The following TYW1B variants were observed in gnomAD, a reference collection of about 807,000 sequenced individuals.
TYW1B encodes the protein tRNA-yW synthesizing protein 1 homolog B.
TYW1B carries 73 observed loss-of-function variants against 86.9 expected under a neutral mutation model. The ratio of observed to expected loss-of-function variants is 0.84; its 90% CI spans 0.70 to 1.02. The LOEUF (loss-of-function observed/expected upper bound fraction) is 1.02, where lower values mean the gene tolerates loss of function less well. Among genes scored for constraint, TYW1B ranks in the 50% least tolerant of loss-of-function variants. The probability of loss-of-function intolerance (pLI) is 0.00; values close to 1 mark genes in which losing one functional copy is unlikely to be tolerated. For missense variants in TYW1B, 637 were observed against 827.4 expected (o/e 0.77, Z 2.82); for synonymous variants, 248 against 292.8 (o/e 0.85, Z 1.56).
intron 11 of TYW1B, among the ~76,000 whole-genome samples, chr7:72,640,149 A>G (rs1312941915): frequency 6.6e-6 from 1 of 152,058 alleles, no homozygotes; most frequent in Non-Finnish European, 1.5e-5. Context: ...TTAGTTAAAA[A>G]CAAAAGAAAG....
chr7:72,644,386 A>G (rs1812875636), intron 11 of TYW1B, among the ~76,000 whole-genome samples: 1 of 152,072 alleles, frequency 6.6e-6, no homozygotes, highest in Non-Finnish European at 1.5e-5. Context: ...TGTCTCTACT[A>G]AAAATACAAA....
At chr7:72,581,214 T>C (rs1388831755) in intron 13 of TYW1B, among the ~76,000 whole-genome samples, 4 of 133,126 alleles carry the variant, frequency 3.0e-5, no homozygotes, top group African/African-American at 8.6e-5. Flanking sequence ...AAAGGATCTG[T>C]GGTCTGTGGG....
intron 9 of TYW1B, among the ~76,000 whole-genome samples, chr7:72,721,853 G>A (rs1282864033): frequency 3.3e-5 from 5 of 151,954 alleles, no homozygotes; most frequent in Non-Finnish European, 5.9e-5. Flanking sequence ...ACTAACAAGC[G>A]GACTTCATCT....
intron 11 of TYW1B, among the ~76,000 whole-genome samples, chr7:72,629,732 A>C (rs1270427102): frequency 2.0e-5 from 3 of 151,954 alleles, no homozygotes; most frequent in African/African-American, 7.3e-5. Context: ...ATTTTTTTAG[A>C]GATGGGGTCC....
chr7:72,614,012 G>A (rs1470969107), intron 13 of TYW1B, among the ~76,000 whole-genome samples: 33 of 150,940 alleles, frequency 2.2e-4, no homozygotes, highest in Non-Finnish European at 4.4e-4. Context: ...TGGGGGGGTG[G>A]GGGGCAGGGG....
intron 7 of TYW1B, among the ~76,000 whole-genome samples, chr7:72,751,323 C>T (rs531833138): frequency 2.0e-5 from 3 of 152,286 alleles, no homozygotes; most frequent in African/African-American, 7.2e-5. Flanking sequence ...CATGCGTGAG[C>T]CATCACACTC....
chr7:72,820,960 G>A (rs1382735314), intron 2 of TYW1B, among the ~76,000 whole-genome samples: 5 of 151,994 alleles, frequency 3.3e-5, no homozygotes, highest in African/African-American at 7.3e-5. Context: ...CAAAGAATTC[G>A]CACACTTAGA....
intron 13 of TYW1B, among the ~76,000 whole-genome samples, chr7:72,615,191 C>A (rs1461806865): frequency 1.3e-5 from 2 of 152,224 alleles, no homozygotes; most frequent in African/African-American, 4.8e-5. Flanking sequence ...GGTTTGCTAT[C>A]TATTTCCTCT....
intron 13 of TYW1B, among the ~76,000 whole-genome samples, chr7:72,602,303 T>G (rs1333007351): frequency 6.6e-6 from 1 of 152,048 alleles, no homozygotes; most frequent in African/African-American, 2.4e-5. Flanking sequence ...AATGGATGGC[T>G]GAGGGTGGGA....
intron 11 of TYW1B, among the ~76,000 whole-genome samples, chr7:72,636,600 C>A (rs1165708437): frequency 6.6e-6 from 1 of 152,150 alleles, no homozygotes; most frequent in African/African-American, 2.4e-5. Context: ...TCCTTCTAAT[C>A]CTAATTGGCT....
At chr7:72,591,148 A>G (rs1199989480) in intron 13 of TYW1B, among the ~76,000 whole-genome samples, 2 of 148,360 alleles carry the variant, frequency 1.3e-5, no homozygotes, top group African/African-American at 4.9e-5. Context: ...TCCGAATAGC[A>G]AAAAAAAAAG....
chr7:72,776,231 G>C (rs1307583623), intron 7 of TYW1B, among the ~76,000 whole-genome samples: 1 of 152,024 alleles, frequency 6.6e-6, no homozygotes, highest in Non-Finnish European at 1.5e-5. Context: ...AGTACTGTAC[G>C]GTTCTTCTAC....
intron 11 of TYW1B, among the ~76,000 whole-genome samples, chr7:72,641,744 A>C (rs185256526): frequency 6.6e-6 from 1 of 152,310 alleles, no homozygotes; most frequent in African/African-American, 2.4e-5. Flanking sequence ...TAATTACACA[A>C]GACTGTAAAT....
intron 13 of TYW1B, among the ~76,000 whole-genome samples, chr7:72,581,390 T>C (rs1424950783): frequency 6.6e-6 from 1 of 152,110 alleles, no homozygotes; most frequent in African/African-American, 2.4e-5. Flanking sequence ...AAGGAAATGA[T>C]CCAGCAGATC....
intron 13 of TYW1B, among the ~76,000 whole-genome samples, chr7:72,604,147 A>T (rs1462438213): frequency 6.6e-6 from 1 of 152,122 alleles, no homozygotes; most frequent in Non-Finnish European, 1.5e-5. Context: ...AACTTCTGTA[A>T]AACATAAAGT....
intron 11 of TYW1B, among the ~76,000 whole-genome samples, chr7:72,667,050 A>AAAAAAAAAAAAAAC: frequency 6.7e-6 from 1 of 149,716 alleles, no homozygotes; most frequent in Non-Finnish European, 1.5e-5. Flanking sequence ...AAAAAAAAAA[A>AAAAAAAAAAAAAAC]AGAAACTAAA....
chr7:72,667,830 C>G (rs1224872422), intron 11 of TYW1B, among the ~76,000 whole-genome samples: 1 of 152,238 alleles, frequency 6.6e-6, no homozygotes, highest in African/African-American at 2.4e-5. Context: ...TTCAGGCAAT[C>G]TGATGATATA....
intron 13 of TYW1B, among the ~76,000 whole-genome samples, chr7:72,603,321 A>ATGAT (rs1811718837): frequency 7.0e-6 from 1 of 143,280 alleles, no homozygotes; most frequent in Admixed American, 7.1e-5. Flanking sequence ...GGACAGATAG[A>ATGAT]TGATGGATGG....
intron 6 of TYW1B, among the ~76,000 whole-genome samples, chr7:72,790,237 T>C (rs1554473168): frequency 6.6e-6 from 1 of 152,004 alleles, no homozygotes; most frequent in African/African-American, 2.4e-5. Context: ...TGAGCCACTG[T>C]GCCCGGCCAG....
Sources: allele counts gnomAD v4.1 joint callset (sites outside exome capture counted in the v4.1 genomes callset), GRCh38; gene constraint gnomAD v4.1.1; transcripts MANE v1.5; gene names NCBI Gene and HGNC (gene_info 2026-07-23, HGNC 2026-07-21).